The following AKAP6 variants were observed in gnomAD, a reference collection of about 807,000 sequenced individuals.
The protein encoded by AKAP6 is A-kinase anchoring protein 6, also known as A-kinase anchor protein 6.
A neutral mutation model predicts 188.5 loss-of-function variants in AKAP6; 58 were observed. That is an observed-to-expected ratio of 0.31 (90% CI 0.25 to 0.38). AKAP6 has a LOEUF of 0.38. Among genes scored for constraint, AKAP6 ranks in the 10% least tolerant of loss-of-function variants. The pLI, the probability that AKAP6 is intolerant of heterozygous loss-of-function variation, is 1.00. For synonymous variants in AKAP6, 989 were observed against 998.6 expected (o/e 0.99, Z 0.18); for missense variants, 2,710 against 2,740.0 (o/e 0.99, Z 0.24).
At chr14:32,454,706 TC>T in intron 2 of AKAP6, among the ~76,000 whole-genome samples, 3 of 28,406 alleles carry the variant, frequency 1.1e-4, no homozygotes, top group African/African-American at 1.8e-4. Flanking sequence ...CCTCCCTCCC[TC>T]CTTCCCTCCT....
chr14:32,678,517 T>C, intron 8 of AKAP6, 58 bp downstream of exon 8: 1 of 1,595,944 alleles, frequency 6.3e-7, no homozygotes, highest in Non-Finnish European at 8.6e-7. Flanking sequence ...TCAATGATTT[T>C]CCACTGGTAG....
intron 7 of AKAP6, among the ~76,000 whole-genome samples, chr14:32,627,018 G>A (rs536370724): frequency 1.1e-4 from 17 of 152,134 alleles, no homozygotes; most frequent in Admixed American, 7.9e-4. Context: ...TACATTTGTG[G>A]CTTTATGAAC....
intron 1 of AKAP6, among the ~76,000 whole-genome samples, chr14:32,383,742 C>G (rs758115694): frequency 3.9e-5 from 6 of 152,168 alleles, no homozygotes; most frequent in Non-Finnish European, 7.3e-5. Context: ...GGAGCATCTC[C>G]CTGAACTCAA....
At chr14:32,416,656 G>A (rs1000022011) in intron 1 of AKAP6, among the ~76,000 whole-genome samples, 4 of 151,800 alleles carry the variant, frequency 2.6e-5, no homozygotes, top group African/African-American at 9.7e-5. Context: ...CCGGGTTCAA[G>A]TGATTCTCCT....
chr14:32,605,503 C>G (rs1220112474), intron 7 of AKAP6, among the ~76,000 whole-genome samples: 1 of 152,158 alleles, frequency 6.6e-6, no homozygotes, highest in Non-Finnish European at 1.5e-5. Flanking sequence ...AGTGATTTGA[C>G]AATAATTCCT....
intron 12 of AKAP6, among the ~76,000 whole-genome samples, chr14:32,801,864 A>G (rs1312878688): frequency 1.3e-5 from 2 of 152,178 alleles, no homozygotes; most frequent in Non-Finnish European, 2.9e-5. Context: ...TGAGAAGTCC[A>G]CTGTAGTTCT....
At chr14:32,624,082 T>TA (rs938783118) in intron 7 of AKAP6, among the ~76,000 whole-genome samples, 4 of 151,986 alleles carry the variant, frequency 2.6e-5, no homozygotes, top group African/African-American at 7.2e-5. Context: ...TGATTTGGAA[T>TA]AAAAAAAGAG....
At chr14:32,420,539 T>C (rs1294419251) in intron 1 of AKAP6, among the ~76,000 whole-genome samples, 2 of 152,206 alleles carry the variant, frequency 1.3e-5, no homozygotes, top group African/African-American at 2.4e-5. Flanking sequence ...CCAACAACTT[T>C]TGGTTTCTCT....
intron 4 of AKAP6, among the ~76,000 whole-genome samples, chr14:32,565,374 C>G (rs1884140653): frequency 6.6e-6 from 1 of 152,160 alleles, no homozygotes; most frequent in South Asian, 2.1e-4. Context: ...TACCTCCAAC[C>G]AAAATAGAAA....
intron 7 of AKAP6, among the ~76,000 whole-genome samples, chr14:32,626,927 T>G (rs1013440185): frequency 6.6e-6 from 1 of 152,140 alleles, no homozygotes; most frequent in Non-Finnish European, 1.5e-5. Flanking sequence ...TATTGGCAAA[T>G]GGATGAACAA....
At chr14:32,439,087 CTT>C (rs1413017872) in intron 2 of AKAP6, 1 of 152,174 alleles carries the variant, frequency 6.6e-6, no homozygotes. Context: ...GGGTCTGTAT[CTT>C]TGATTGATTG....
chr14:32,655,972 C>T (rs901201186), intron 7 of AKAP6, among the ~76,000 whole-genome samples: 4 of 152,012 alleles, frequency 2.6e-5, no homozygotes, highest in African/African-American at 9.7e-5. Context: ...ATAAATCTAT[C>T]TGTTTTTCTC....
At chr14:32,551,953 A>G (rs1011783604) in intron 4 of AKAP6, among the ~76,000 whole-genome samples, 24 of 152,114 alleles carry the variant, frequency 1.6e-4, no homozygotes, top group Non-Finnish European at 1.8e-4. Flanking sequence ...GGCGTGAGCC[A>G]CCACGCCCGG....
intron 3 of AKAP6, 145 bp downstream of exon 3, chr14:32,535,950 A>T: frequency 4.1e-6 from 5 of 1,212,462 alleles, no homozygotes; most frequent in South Asian, 1.5e-5. Context: ...AGTGACTAGA[A>T]GCTAGGGCAC....
intron 3 of AKAP6, among the ~76,000 whole-genome samples, chr14:32,537,623 T>G (rs144005127): frequency 1.4e-3 from 213 of 152,328 alleles, no homozygotes; most frequent in African/African-American, 4.9e-3. Context: ...TGCTGGTCAG[T>G]GATCAAATCT....
At position 32,830,063 on chromosome 14, in the gene AKAP6, C is replaced by T. The variant is rs1257845293; in HGVS notation, c.*258C>T. On this transcript the variant is annotated 3_prime_UTR_variant, in exon 14 of 14. Transcript: ENST00000280979. Reference sequence around the variant, plus strand: ...GAAGTTCAGCAAAGCTGCTTGTTCTCCCATGGATTCCTGTCCCAAGCTACC... The same window carrying T: ...GAAGTTCAGCAAAGCTGCTTGTTCTTCCATGGATTCCTGTCCCAAGCTACC... 3 of 673,104 alleles carry T rather than the reference C, an allele frequency of 4.5e-6. No homozygotes were observed. The highest frequency in any genetic ancestry group is 3.2e-5 in the South Asian group (2 of 63,006). The allele number at this position is 673,104 out of a possible 1,614,324, so 41.7% of individuals were successfully genotyped here. A position where few individuals can be genotyped will look rare whatever the true frequency, so the allele number is the denominator to read the frequency against.
chr14:32,335,842 C>CTTTTTTTTTTTTTTT (rs375076849), intron 1 of AKAP6, among the ~76,000 whole-genome samples: 2 of 94,026 alleles, frequency 2.1e-5, no homozygotes, highest in Non-Finnish European at 4.1e-5. Flanking sequence ...TCCTTTTCTC[C>CTTTTTTTTTTTTTTT]TTTTTTTTTT....
intron 2 of AKAP6, among the ~76,000 whole-genome samples, chr14:32,453,601 T>C (rs1484433978): frequency 3.1e-5 from 1 of 32,070 alleles, no homozygotes; most frequent in Non-Finnish European, 5.6e-5. Context: ...TTTTTTTTTT[T>C]TTTTTTTTTT....
intron 11 of AKAP6, among the ~76,000 whole-genome samples, chr14:32,745,489 CT>C (rs1566682325): frequency 1.6e-4 from 19 of 117,322 alleles, no homozygotes; most frequent in Non-Finnish European, 3.3e-4. Flanking sequence ...CTCTCTCTCT[CT>C]CTCTCTGTCT....
Sources: gnomAD v4.1 joint callset for allele counts (sites outside exome capture counted in the v4.1 genomes callset) on GRCh38, gnomAD v4.1.1 for gene constraint, MANE v1.5 for transcripts, NCBI Gene and HGNC (gene_info 2026-07-23, HGNC 2026-07-21) for gene names.